Variants in NCS1 observed in about 807,000 individuals in gnomAD.
NCS1 encodes the protein frequenin homolog.
In NCS1, 6 loss-of-function variants were observed where a neutral mutation model predicts 28.4. The observed-to-expected ratio is 0.21, with a 90% CI of 0.12 to 0.42. NCS1 has a LOEUF of 0.42. Among genes scored for constraint, NCS1 ranks in the 10% least tolerant of loss-of-function variants. The pLI, the probability that NCS1 is intolerant of heterozygous loss-of-function variation, is 1.00. For missense variants in NCS1, 131 were observed against 241.4 expected, an observed-to-expected ratio of 0.54 and a Z score of 3.03; for synonymous variants, 86 against 99.3, an observed-to-expected ratio of 0.87 and a Z score of 0.79.
intron 1 of NCS1, among the ~76,000 whole-genome samples, chr9:130,183,735 T>C (rs531259475): frequency 2.9e-5 from 4 of 138,110 alleles, no homozygotes; most frequent in Non-Finnish European, 6.7e-5. Context: ...TTTCTCTCTC[T>C]CTTCCTTCCT....
intron 1 of NCS1, among the ~76,000 whole-genome samples, chr9:130,194,318 C>T (rs1339454855): frequency 3.0e-5 from 3 of 100,106 alleles, no homozygotes; most frequent in Non-Finnish European, 7.0e-5. Flanking sequence ...CTGGGGACCT[C>T]AGGAGCGCTG....
At chr9:130,189,909 T>TATATATATATA (rs1564704684) in intron 1 of NCS1, among the ~76,000 whole-genome samples, 2 of 125,748 alleles carry the variant, frequency 1.6e-5, no homozygotes, top group African/African-American at 6.5e-5. Context: ...TATATATATA[T>TATATATATATA]TCCCAAGGTC....
chr9:130,173,084 G>A (rs1208530734), intron 1 of NCS1, among the ~76,000 whole-genome samples: 1 of 152,078 alleles, frequency 6.6e-6, no homozygotes, highest in African/African-American at 2.4e-5. Context: ...GGGGGCGCCC[G>A]GCTGCGCGGA....
chr9:130,226,299 A>G lies in NCS1; in HGVS notation c.475-90A>G, dbSNP rs1210066813. 8.9e-7 allele frequency: 1 copy of G among 1,122,638 alleles called. No homozygotes were observed. The highest frequency in any genetic ancestry group is 1.5e-5 in the African/African-American group (1 of 64,774). 69.5% of individuals were successfully genotyped at this position (1,122,638 alleles called of 1,614,324 possible). ...TGCCTCCCTCCTGATCTAACCTTGG[A>G]AGGGCTCTTGGGACCGGCCCTGGGC... is the stretch of plus-strand genomic sequence containing the variant. On this transcript the variant is annotated intron_variant, in intron 6 of 7. Coordinates refer to ENST00000372398, the MANE Select transcript of NCS1 (RefSeq NM_014286.4). This position sits in a 1 kb window ranked among gnomAD's most constrained non-coding sequence, Gnocchi z 4.8.
rs891351038 is a variant in NCS1 at position 130,193,452 on chromosome 9, T to G, written c.65-7506T>G. ...GCGACGTCCAGCCAGCCCTGGACAG[T>G]GGGGGCATTCTCGTATTTTTGAGGC... is the stretch of plus-strand genomic sequence containing the variant. On this transcript the variant is annotated intron_variant, in intron 1 of 7. Coordinates refer to ENST00000372398, the MANE Select transcript of NCS1 (RefSeq NM_014286.4). Among the ~76,000 whole-genome samples, 22 of 151,838 alleles carry G rather than the reference T, an allele frequency of 1.4e-4. 1 individual carries two copies. The highest frequency in any genetic ancestry group is 1.4e-3 in the Admixed American group (21 of 15,256).
chr9:130,200,734 C>T, intron 1 of NCS1: 1 of 1,464,388 alleles, frequency 6.8e-7, no homozygotes. Flanking sequence ...CACTTGGGCA[C>T]CGGGAAGGGG....
rs77433491 is a variant in NCS1 at position 130,200,583 on chromosome 9, C to T, written c.65-375C>T. The stretch of plus-strand genomic sequence containing the variant: ...GAAGCCAGGGCCTTCCCTGACATCC[C>T]GTCCCCAGGGATTGAGAGATGGCAA... On this transcript the variant is annotated intron_variant, in intron 1 of 7. Coordinates refer to ENST00000372398, the MANE Select transcript of NCS1 (RefSeq NM_014286.4). 883 of 1,551,774 alleles carry T rather than the reference C, an allele frequency of 5.7e-4. 6 individuals are homozygous for T. In the African/African-American group the frequency reaches 0.011, roughly 19 times the overall value.
Position 130,177,808 on chromosome 9 carries a change from A to C in NCS1, c.64+5081A>C, listed in dbSNP as rs1832595242. ...TTGCAGTCCGGGGAGCGGGCCAGAAAGACAAAGGGGTTGTTTGGCAGGAGA... is the reference window on the plus strand; with the variant it reads ...TTGCAGTCCGGGGAGCGGGCCAGAACGACAAAGGGGTTGTTTGGCAGGAGA... On this transcript the variant is annotated intron_variant, in intron 1 of 7. Coordinates refer to ENST00000372398, the MANE Select transcript of NCS1 (RefSeq NM_014286.4). This position sits in a 1 kb window ranked among gnomAD's most constrained non-coding sequence, Gnocchi z 4.4. Among the ~76,000 whole-genome samples the C allele has an allele frequency of 6.6e-6, 1 of 152,168 alleles. No homozygotes were observed. Among genetic ancestry groups the C allele is most frequent in the Non-Finnish European group, 1.5e-5 (1 of 68,022 alleles).
chr9:130,197,852 A>G lies in NCS1; in HGVS notation c.65-3106A>G, dbSNP rs144159496. Among the ~76,000 whole-genome samples the G allele has an allele frequency of 9.4e-3, 1,427 of 151,994 alleles. 20 individuals are homozygous for G. The highest frequency in any genetic ancestry group is 0.032 in the African/African-American group (1,318 of 41,474). On this transcript the variant is annotated intron_variant, in intron 1 of 7. Coordinates refer to ENST00000372398, the MANE Select transcript of NCS1 (RefSeq NM_014286.4). ...GTGGTGTATGCCTGTAGTTCCAGCT[A>G]CTTGGGAGGCTGAGGCACACGAGGA...
chr9:130,187,213 A>T (rs1158412535), intron 1 of NCS1, among the ~76,000 whole-genome samples: 1 of 152,138 alleles, frequency 6.6e-6, no homozygotes, highest in East Asian at 1.9e-4. Context: ...CAGGTATCCC[A>T]GTCAAGGTCA....
chr9:130,225,792 C>G (rs1328402049), intron 6 of NCS1, among the ~76,000 whole-genome samples: 1 of 152,298 alleles, frequency 6.6e-6, no homozygotes, highest in South Asian at 2.1e-4. Flanking sequence ...TCTGGATACC[C>G]GAGATCGAGT....
chr9:130,216,453 C>A (rs1409899360), intron 2 of NCS1, among the ~76,000 whole-genome samples: 1 of 152,170 alleles, frequency 6.6e-6, no homozygotes. Flanking sequence ...CTGTGGCTCA[C>A]GCCTGTAATC....
Position 130,222,510 on chromosome 9 carries a change from A to T in NCS1, c.308-140A>T, listed in dbSNP as rs548739905. ...TGTGTGTCTGTCCCTGTCTATCCTG[A>T]TGTAAATATTAGTTGACCTGATGAG... is the stretch of plus-strand genomic sequence containing the variant. On this transcript the variant is annotated intron_variant, in intron 4 of 7. Transcript: ENST00000372398. 1.1e-4 allele frequency: 77 copies of T among 711,792 alleles called. No homozygotes were observed. In the South Asian group the frequency reaches 1.1e-3, roughly 10 times the overall value. 44.1% of individuals were successfully genotyped at this position (711,792 alleles called of 1,614,324 possible).
Position 130,234,701 on chromosome 9 carries a change from G to A in NCS1, c.*1729G>A, listed in dbSNP as rs929486763. Reference sequence around the variant, plus strand: ...CCCTATTGCGTGGCTGCTGGTGTGTGGGGTCAGTTCCAGCAGATGAATGTG... The same window carrying A: ...CCCTATTGCGTGGCTGCTGGTGTGTAGGGTCAGTTCCAGCAGATGAATGTG... On this transcript the variant is annotated 3_prime_UTR_variant, in exon 8 of 8. Transcript: ENST00000372398. This position sits in a 1 kb window ranked among gnomAD's most constrained non-coding sequence, Gnocchi z 6.1. 3 of 152,274 alleles carry A rather than the reference G, an allele frequency of 2.0e-5. No homozygotes were observed. The highest frequency in any genetic ancestry group is 1.3e-4 in the Admixed American group (2 of 15,274). 9.4% of individuals were successfully genotyped at this position (152,274 alleles called of 1,614,324 possible).
Position 130,191,954 on chromosome 9 carries a change from G to T in NCS1, c.65-9004G>T, listed in dbSNP as rs1335902299. Among the ~76,000 whole-genome samples, 4 of 152,222 alleles carry T rather than the reference G, an allele frequency of 2.6e-5. No homozygotes were observed. Among genetic ancestry groups the T allele is most frequent in the South Asian group, 2.1e-4 (1 of 4,828 alleles). ...CCCACAGTGGGGACACGTGATGGGG[G>T]GCTGGAGGGCAGAAGGGCTGGGGAA... On this transcript the variant is annotated intron_variant, in intron 1 of 7. Transcript: ENST00000372398. The surrounding 1 kb of genome is among the most constrained non-coding windows in gnomAD (Gnocchi z 6.4).
At chr9:130,211,095 C>T (rs1833107381) in intron 2 of NCS1, among the ~76,000 whole-genome samples, 1 of 143,422 alleles carries the variant, frequency 7.0e-6, no homozygotes, top group Non-Finnish European at 1.5e-5. Flanking sequence ...TCAGGTGATC[C>T]TCCTGCTTCG....
At chr9:130,207,039 G>T (rs376174523) in intron 2 of NCS1, among the ~76,000 whole-genome samples, 5 of 152,126 alleles carry the variant, frequency 3.3e-5, no homozygotes, top group African/African-American at 1.2e-4. Flanking sequence ...TAGCCCTCTT[G>T]TTCCCTTGCC....
At chr9:130,227,800 G>A (rs566217608) in intron 7 of NCS1, among the ~76,000 whole-genome samples, 99 of 152,328 alleles carry the variant, frequency 6.5e-4, no homozygotes, top group African/African-American at 2.3e-3. Flanking sequence ...AGTTAAGCTG[G>A]GTGCCTCTGG....
At chr9:130,213,232 C>T (rs1554908954) in intron 2 of NCS1, among the ~76,000 whole-genome samples, 1 of 152,194 alleles carries the variant, frequency 6.6e-6, no homozygotes, top group East Asian at 1.9e-4. Context: ...CTGGGCCAGT[C>T]TTCTCCATAC....
Sources: gnomAD v4.1 joint callset for allele counts (sites outside exome capture counted in the v4.1 genomes callset) on GRCh38, gnomAD v4.1.1 for gene constraint, Gnocchi (gnomAD v3.1) non-coding constraint, MANE v1.5 for transcripts, NCBI Gene and HGNC (gene_info 2026-07-23, HGNC 2026-07-21) for gene names.